Variants in ARHGEF9 observed in about 807,000 individuals in gnomAD.
The protein encoded by ARHGEF9 is rho guanine nucleotide exchange factor 9.
Under a neutral mutation model 41.3 loss-of-function variants are expected in ARHGEF9, and 2 were observed. The ratio of observed to expected loss-of-function variants is 0.05; its 90% CI spans 0.02 to 0.15. The LOEUF (loss-of-function observed/expected upper bound fraction) is 0.15. ARHGEF9 is among the 10% of genes least tolerant of loss of function. The pLI, the probability that ARHGEF9 is intolerant of heterozygous loss-of-function variation, is 1.00. For synonymous variants in ARHGEF9, 160 were observed against 154.4 expected, an observed-to-expected ratio of 1.04 and a Z score of -0.27; for missense variants, 225 against 424.7, an observed-to-expected ratio of 0.53 and a Z score of 4.13.
chrX:63,753,524 G>A, intron 1 of ARHGEF9, among the ~76,000 whole-genome samples: 1 of 105,159 alleles, frequency 9.5e-6, no homozygotes. Context: ...ATAAAGAGCT[G>A]TTTTTTCTTT....
At chrX:63,741,657 A>G (rs2054957841) in intron 1 of ARHGEF9, among the ~76,000 whole-genome samples, 1 of 112,604 alleles carries the variant, frequency 8.9e-6, no homozygotes, top group Admixed American at 9.3e-5. Context: ...CTGAGAGTGC[A>G]TCTCAGCATG....
In ARHGEF9 at chrX:63,665,270, T is replaced by C. The variant is rs369909226; in HGVS notation, c.1077+616A>G. On this transcript the variant is annotated intron_variant, in intron 7 of 9. Coordinates refer to ENST00000671741, the MANE Select transcript of ARHGEF9 (RefSeq NM_001353921.2). Reference sequence around the variant, plus strand: ...CTAGAAACCAACATACACAGAGTTATCCAGAGTCAGTGACAAGAGTAAGAC... The same window carrying C: ...CTAGAAACCAACATACACAGAGTTACCCAGAGTCAGTGACAAGAGTAAGAC... Among the ~76,000 whole-genome samples, 5 of 112,317 alleles carry C rather than the reference T, an allele frequency of 4.5e-5. No individual in the cohort carries two copies. In the East Asian group the frequency reaches 1.1e-3, roughly 25 times the overall value.
At chrX:63,652,531 T>G (rs1231058098) in intron 8 of ARHGEF9, among the ~76,000 whole-genome samples, 2 of 111,427 alleles carry the variant, frequency 1.8e-5, no homozygotes, top group Non-Finnish European at 3.8e-5. Context: ...CCATGGATTT[T>G]GATATGCACG....
intron 3 of ARHGEF9, among the ~76,000 whole-genome samples, chrX:63,698,239 A>C (rs1458992567): frequency 3.6e-5 from 4 of 109,824 alleles, no homozygotes; most frequent in Non-Finnish European, 7.6e-5. Context: ...CCCTAAACAC[A>C]TAAAACACAT....
chrX:63,674,820 T>C (rs2050162096), intron 5 of ARHGEF9, among the ~76,000 whole-genome samples: 1 of 111,584 alleles, frequency 9.0e-6, no homozygotes, highest in Non-Finnish European at 1.9e-5. Flanking sequence ...TGAGCTCTCT[T>C]ACTGTCTGCT....
chrX:63,663,111 T>C (rs781876247), intron 7 of ARHGEF9, among the ~76,000 whole-genome samples: 72 of 111,987 alleles, frequency 6.4e-4, no homozygotes, highest in Non-Finnish European at 1.2e-3. Flanking sequence ...AAGTACTCTC[T>C]TACAACCTCA....
At chrX:63,670,599 G>T (rs1422299555) in intron 6 of ARHGEF9, among the ~76,000 whole-genome samples, 1 of 111,347 alleles carries the variant, frequency 9.0e-6, no homozygotes, top group Non-Finnish European at 1.9e-5. Context: ...TTTTCAAGTG[G>T]ATTAAATGAG....
At chrX:63,721,798 C>A (rs1480358555) in intron 2 of ARHGEF9, among the ~76,000 whole-genome samples, 2 of 110,563 alleles carry the variant, frequency 1.8e-5, no homozygotes, top group Non-Finnish European at 3.8e-5. Flanking sequence ...TTTAACCTTA[C>A]CAACTACTGG....
At chrX:63,766,521 C>T (rs782790854) in intron 1 of ARHGEF9, among the ~76,000 whole-genome samples, 14 of 111,809 alleles carry the variant, frequency 1.3e-4, no homozygotes, top group Non-Finnish European at 2.6e-4. Flanking sequence ...CTGAGGTTCA[C>T]GGTAACAGAG....
intron 7 of ARHGEF9, among the ~76,000 whole-genome samples, chrX:63,658,789 A>C (rs1336259233): frequency 8.9e-6 from 1 of 111,828 alleles, no homozygotes; most frequent in East Asian, 2.8e-4. Context: ...GTAACTCTGA[A>C]TATTTTTTCA....
chrX:63,746,820 T>C (rs782031587), intron 1 of ARHGEF9, among the ~76,000 whole-genome samples: 8 of 111,722 alleles, frequency 7.2e-5, no homozygotes, highest in African/African-American at 2.6e-4. Context: ...CCATGACATA[T>C]CTCTTTAATA....
At chrX:63,698,748 A>G in intron 3 of ARHGEF9, among the ~76,000 whole-genome samples, 1 of 111,547 alleles carries the variant, frequency 9.0e-6, no homozygotes, top group East Asian at 2.8e-4. Context: ...TCACTCTCCA[A>G]TTTAGCCATT....
chrX:63,713,321 C>T (rs1363062816), intron 2 of ARHGEF9, among the ~76,000 whole-genome samples: 1 of 110,565 alleles, frequency 9.0e-6, no homozygotes, highest in Non-Finnish European at 1.9e-5. Context: ...CCACCCCTTG[C>T]TCCCCAATCA....
At chrX:63,753,997 T>G (rs1556444067) in intron 1 of ARHGEF9, among the ~76,000 whole-genome samples, 1 of 111,716 alleles carries the variant, frequency 9.0e-6, no homozygotes, top group Admixed American at 9.5e-5. Context: ...CCACAAACCC[T>G]TTTCCCCTCA....
chrX:63,776,530 A>C (rs1192335871), intron 1 of ARHGEF9, among the ~76,000 whole-genome samples: 1 of 111,931 alleles, frequency 8.9e-6, no homozygotes, highest in Non-Finnish European at 1.9e-5. Context: ...AAAATGTAAA[A>C]ATCATTCTTA....
intron 5 of ARHGEF9, among the ~76,000 whole-genome samples, chrX:63,674,670 G>C (rs1313667111): frequency 9.0e-6 from 1 of 111,582 alleles, no homozygotes; most frequent in Non-Finnish European, 1.9e-5. Flanking sequence ...CCCTGAGTCT[G>C]CTTTCATCTT....
chrX:63,755,279 C>A, intron 1 of ARHGEF9: 6 of 907,272 alleles, frequency 6.6e-6, no homozygotes, highest in Non-Finnish European at 8.2e-6. Context: ...GGCGTGCTAG[C>A]CGCGACCGCC....
chrX:63,652,444 A>G (rs1231680694), intron 8 of ARHGEF9, among the ~76,000 whole-genome samples: 1 of 111,555 alleles, frequency 9.0e-6, no homozygotes, highest in African/African-American at 3.3e-5. Flanking sequence ...ATAATCTAGA[A>G]ATGATTGAAA....
At chrX:63,645,122 AGT>A (rs1556311482) in intron 8 of ARHGEF9, among the ~76,000 whole-genome samples, 1 of 110,811 alleles carries the variant, frequency 9.0e-6, no homozygotes, top group African/African-American at 3.3e-5. Context: ...CCATAACTGA[AGT>A]TATAAAATAT....
Sources: gnomAD v4.1 joint callset for allele counts (sites outside exome capture counted in the v4.1 genomes callset) on GRCh38, gnomAD v4.1.1 for gene constraint, MANE v1.5 for transcripts, NCBI Gene and HGNC (gene_info 2026-07-23, HGNC 2026-07-21) for gene names.